Variants in RIC1 observed in about 807,000 individuals in gnomAD.
The protein encoded by RIC1 is RIC1 partner of RAB6A GEF complex.
RIC1 carries 88 observed loss-of-function variants against 169.0 expected under a neutral mutation model. The observed-to-expected ratio is 0.52, with a 90% CI of 0.44 to 0.62. The LOEUF (loss-of-function observed/expected upper bound fraction) is 0.62, where lower values mean the gene tolerates loss of function less well. Among genes scored for constraint, RIC1 ranks in the 20% least tolerant of loss-of-function variants. RIC1 has a pLI of 0.00. For missense variants in RIC1, 1,877 were observed against 1,725.5 expected, an observed-to-expected ratio of 1.09 and a Z score of -1.56; for synonymous variants, 790 against 601.5, an observed-to-expected ratio of 1.31 and a Z score of -4.59.
At chr9:5,738,389 A>G (rs933432115) in intron 7 of RIC1, 61 bp from the exon 8 acceptor site, 4 of 1,159,490 alleles carry the variant, frequency 3.4e-6, no homozygotes, top group South Asian at 1.4e-5. Flanking sequence ...GAGTTCTATA[A>G]TGCTTTTTCT....
chr9:5,672,522 T>A (rs1056814872), intron 2 of RIC1, among the ~76,000 whole-genome samples: 2 of 152,196 alleles, frequency 1.3e-5, no homozygotes, highest in African/African-American at 4.8e-5. Flanking sequence ...AGAAACAATT[T>A]CATGATGTAA....
At chr9:5,651,878 A>G (rs754905281) in intron 1 of RIC1, among the ~76,000 whole-genome samples, 6 of 152,148 alleles carry the variant, frequency 3.9e-5, no homozygotes, top group South Asian at 4.2e-4. Flanking sequence ...TCTTTAATCT[A>G]TTTTGAAATG....
In RIC1 at chr9:5,757,448, G is replaced by A; in HGVS notation, c.1989G>A (p.Gln663=). 1 of 1,613,874 alleles carries A rather than the reference G, an allele frequency of 6.2e-7. No homozygotes were observed. The highest frequency in any genetic ancestry group is 1.1e-5 in the South Asian group (1 of 91,058). Residue 663 remains glutamine (Q), a synonymous_variant, in exon 17 of 26, where the codon CAG becomes CAA. Coordinates refer to ENST00000414202, the MANE Select transcript of RIC1 (RefSeq NM_020829.4). ...ATGGAATCACCTTGAAAATGCCACA[G>A]CAGGTACCACTCCATTATCAAAGGT... ...TENGITLKMP[Q]QARGAESIML... is the part of the protein sequence containing the mutation.
chr9:5,639,126 C>T (rs1586861351), intron 1 of RIC1, among the ~76,000 whole-genome samples: 1 of 152,162 alleles, frequency 6.6e-6, no homozygotes, highest in East Asian at 1.9e-4. Context: ...AGGCTGTTCT[C>T]AAATTCCTGA....
chr9:5,686,838 G>T (rs1050701691), intron 2 of RIC1, among the ~76,000 whole-genome samples: 13 of 152,034 alleles, frequency 8.6e-5, no homozygotes, highest in Non-Finnish European at 4.4e-5. Context: ...GTCTTTGTCT[G>T]GTTTTGTTAT....
In RIC1 at chr9:5,773,078, C is replaced by G. The variant is rs1383869932; in HGVS notation, c.3981C>G (p.Asp1327Glu). 1.3e-6 allele frequency: 2 copies of G among 1,590,670 alleles called. No homozygotes were observed. Among genetic ancestry groups the G allele is most frequent in the African/African-American group, 1.3e-5 (1 of 74,138 alleles). ...CAGTGGACCGATGGGCCTCTACAGACTGGTAAGTGCTGCTTTCCTTAGGCT... is the reference window on the plus strand; with the variant it reads ...CAGTGGACCGATGGGCCTCTACAGAGTGGTAAGTGCTGCTTTCCTTAGGCT... ...LHAVDRWASTDCPGYKPFLNI... is the reference protein window; with the variant it reads ...LHAVDRWASTECPGYKPFLNI... Residue 1327 changes from aspartate (D) to glutamate (E), a missense_variant and splice_region_variant, in exon 25 of 26, where the codon GAC becomes GAG. Asp to Glu is a conservative substitution (Grantham distance 45, BLOSUM62 2). Coordinates refer to ENST00000414202, the MANE Select transcript of RIC1 (RefSeq NM_020829.4).
rs149955808 is a variant in RIC1 at position 5,759,826 on chromosome 9, T to C, written c.1992+2375T>C. Among the ~76,000 whole-genome samples the C allele has an allele frequency of 2.4e-4, 37 of 152,294 alleles. No individual in the cohort carries two copies. The East Asian group carries it at 6.7e-3, about 28-fold the overall frequency. ...AGCACATAAGGCAAAATCTTGATAA[T>C]TGTGAATCTGGATAATGGCAGTGTG... On this transcript the variant is annotated intron_variant, in intron 17 of 25. Transcript: ENST00000414202.
At chr9:5,699,904 A>G (rs755637372) in intron 3 of RIC1, among the ~76,000 whole-genome samples, 20 of 152,224 alleles carry the variant, frequency 1.3e-4, no homozygotes, top group Non-Finnish European at 2.1e-4. Context: ...TTAGTTTTAT[A>G]TAGTCAGTGA....
At chr9:5,678,506 C>T (rs1181618873) in intron 2 of RIC1, among the ~76,000 whole-genome samples, 9 of 151,850 alleles carry the variant, frequency 5.9e-5, no homozygotes, top group African/African-American at 2.2e-4. Flanking sequence ...CTCTCCAGCA[C>T]CTGTTGTTTC....
intron 4 of RIC1, among the ~76,000 whole-genome samples, chr9:5,717,824 A>C (rs1823347224): frequency 6.6e-6 from 1 of 151,342 alleles, no homozygotes; most frequent in Admixed American, 6.6e-5. Context: ...GCAGCAGAGT[A>C]AGAGACTGTT....
rs529224464 is a variant in RIC1 at position 5,635,223 on chromosome 9, GC to G, written c.144+5773del. ...TCAGACTCCTGGACACAAGTGATCTGCCCATCTCAGCCTCCTAAAGTGCTAG... is the reference window on the plus strand; with the variant it reads ...TCAGACTCCTGGACACAAGTGATCTGCCATCTCAGCCTCCTAAAGTGCTAG... On this transcript the variant is annotated intron_variant, in intron 1 of 25. Coordinates refer to ENST00000414202, the MANE Select transcript of RIC1 (RefSeq NM_020829.4). Among the ~76,000 whole-genome samples, 592 of 152,196 alleles carry G rather than the reference GC, an allele frequency of 3.9e-3. 1 individual carries two copies. The highest frequency in any genetic ancestry group is 0.014 in the African/African-American group (577 of 41,518).
intron 1 of RIC1, among the ~76,000 whole-genome samples, chr9:5,636,936 T>A (rs1303628457): frequency 6.6e-6 from 1 of 152,224 alleles, no homozygotes; most frequent in Non-Finnish European, 1.5e-5. Context: ...AGATGTTTAA[T>A]AAACATTTTT....
chr9:5,663,008 C>T (rs561341460), intron 2 of RIC1, among the ~76,000 whole-genome samples: 305 of 152,238 alleles, frequency 2.0e-3, no homozygotes, highest in African/African-American at 6.8e-3. Context: ...TAGCTGCATC[C>T]CAGAGATTCT....
intron 2 of RIC1, among the ~76,000 whole-genome samples, chr9:5,666,113 TG>T (rs1819741230): frequency 6.6e-6 from 1 of 152,034 alleles, no homozygotes; most frequent in Non-Finnish European, 1.5e-5. Context: ...TCTGTCTAAT[TG>T]GGGGTGGCTC....
At chr9:5,695,058 G>C (rs1242479335) in intron 3 of RIC1, among the ~76,000 whole-genome samples, 1 of 152,108 alleles carries the variant, frequency 6.6e-6, no homozygotes, top group Non-Finnish European at 1.5e-5. Context: ...CCACTCTATG[G>C]AGAAAAATTA....
intron 1 of RIC1, among the ~76,000 whole-genome samples, chr9:5,635,259 C>T (rs1359638317): frequency 6.6e-6 from 1 of 152,176 alleles, no homozygotes; most frequent in Non-Finnish European, 1.5e-5. Flanking sequence ...GGATTACAAG[C>T]ATGGGCCACC....
In RIC1 at chr9:5,755,987, A is replaced by G. The variant is rs142248401; in HGVS notation, c.1693-225A>G. ...TAAAAGGAATATTTTATAATAGTAC[A>G]TTCAGTTTTGATCACTTCATTTTTT... On this transcript the variant is annotated intron_variant, in intron 15 of 25. Transcript: ENST00000414202. Among the ~76,000 whole-genome samples the G allele has an allele frequency of 3.3e-5, 5 of 152,200 alleles. No individual in the cohort carries two copies. The East Asian group carries it at 7.7e-4, about 23-fold the overall frequency.
At chr9:5,753,172 T>C (rs1257487054) in intron 12 of RIC1, 28 bp from the exon 13 acceptor site, 1 of 1,587,568 alleles carries the variant, frequency 6.3e-7, no homozygotes, top group African/African-American at 1.3e-5. Flanking sequence ...TCATAAGTTT[T>C]ACCAATCTGA....
chr9:5,686,445 C>G (rs1380408397), intron 2 of RIC1, among the ~76,000 whole-genome samples: 2 of 152,010 alleles, frequency 1.3e-5, no homozygotes, highest in East Asian at 1.9e-4. Flanking sequence ...TAGTATGCAG[C>G]CATAAAAAAT....
Sources: gnomAD v4.1 joint callset for allele counts (sites outside exome capture counted in the v4.1 genomes callset) on GRCh38, gnomAD v4.1.1 for gene constraint, MANE v1.5 for transcripts, NCBI Gene and HGNC (gene_info 2026-07-23, HGNC 2026-07-21) for gene names.